RSU1: variants seen among roughly 807,000 people sequenced by gnomAD.
RSU1 encodes the protein Ras suppressor protein 1, also known as rsu-1.
RSU1 carries 26 observed loss-of-function variants against 31.1 expected under a neutral mutation model. The observed-to-expected ratio is 0.84, with a 90% CI of 0.61 to 1.16. The LOEUF (loss-of-function observed/expected upper bound fraction) is 1.16, where lower values mean the gene tolerates loss of function less well. Ranked by LOEUF, RSU1 falls within the 50% of genes most tolerant of loss-of-function variation. The probability of loss-of-function intolerance (pLI) is 0.00; values close to 1 mark genes in which losing one functional copy is unlikely to be tolerated. For synonymous variants in RSU1, 164 were observed against 136.3 expected (o/e 1.20, Z -1.41); for missense variants, 320 against 339.1 (o/e 0.94, Z 0.44).
intron 8 of RSU1, among the ~76,000 whole-genome samples, chr10:16,660,814 T>G (rs1405890852): frequency 6.6e-6 from 1 of 151,784 alleles, no homozygotes; most frequent in East Asian, 1.9e-4. Context: ...GCCCAGCTAA[T>G]TTTTGTATTT....
At position 16,592,939 on chromosome 10, in the gene RSU1, A is replaced by G. The variant is rs562414351; in HGVS notation, c.*455T>C. On this transcript the variant is annotated 3_prime_UTR_variant, in exon 9 of 9. Transcript: ENST00000345264. ...ACAAACTCAAGATTTTATTAAAATC[A>G]TTTGTAAGTTAAATTAGCATATCTC... 49 of 154,114 alleles carry G rather than the reference A, an allele frequency of 3.2e-4. 2 individuals carry two copies. In the South Asian group the frequency reaches 9.5e-3, roughly 30 times the overall value. 9.5% of individuals were successfully genotyped at this position (154,114 alleles called of 1,614,324 possible). A position where few individuals can be genotyped will look rare whatever the true frequency, so the allele number is the denominator to read the frequency against.
chr10:16,714,749 A>G (rs574038360), intron 7 of RSU1, among the ~76,000 whole-genome samples: 3 of 152,064 alleles, frequency 2.0e-5, no homozygotes, highest in Non-Finnish European at 2.9e-5. Flanking sequence ...CCAGGATGAA[A>G]AGAGTCAATT....
chr10:16,613,270 T>C (rs752917608), intron 8 of RSU1, among the ~76,000 whole-genome samples: 32 of 152,058 alleles, frequency 2.1e-4, no homozygotes, highest in Admixed American at 2.0e-4. Flanking sequence ...AGCATGAGAG[T>C]GGAATTTCCA....
chr10:16,657,481 AT>A lies in RSU1; in HGVS notation c.731+37541del, dbSNP rs200952926. Among the ~76,000 whole-genome samples the A allele has an allele frequency of 3.1e-3, 451 of 144,910 alleles. 6 individuals are homozygous for A. The East Asian group carries it at 0.036, about 11-fold the overall frequency. ...AGTTATTCTAGGTTAGACTTTTGGG[AT>A]TTTTTTTTTTCATTTTTAATATTAC... On this transcript the variant is annotated intron_variant, in intron 8 of 8. Coordinates refer to ENST00000345264, the MANE Select transcript of RSU1 (RefSeq NM_012425.4).
chr10:16,620,924 C>A (rs978613165), intron 8 of RSU1, among the ~76,000 whole-genome samples: 7 of 151,646 alleles, frequency 4.6e-5, no homozygotes, highest in African/African-American at 1.5e-4. Context: ...CCATTTTGAA[C>A]AACAATGCAA....
intron 8 of RSU1, among the ~76,000 whole-genome samples, chr10:16,678,382 G>A (rs1049933434): frequency 6.6e-6 from 1 of 152,190 alleles, no homozygotes; most frequent in Non-Finnish European, 1.5e-5. Context: ...AATTGGGATG[G>A]TCCATGCATT....
chr10:16,647,962 T>A (rs113586677), intron 8 of RSU1, among the ~76,000 whole-genome samples: 4 of 152,150 alleles, frequency 2.6e-5, no homozygotes, highest in African/African-American at 9.6e-5. Flanking sequence ...TTCTTGTTTT[T>A]CTTTGAGACA....
chr10:16,766,245 G>A lies in RSU1; in HGVS notation c.161-1735C>T, dbSNP rs181665252. Among the ~76,000 whole-genome samples the A allele has an allele frequency of 4.1e-4, 63 of 152,332 alleles. No homozygotes were observed. The East Asian group carries it at 5.4e-3, about 13-fold the overall frequency. On this transcript the variant is annotated intron_variant, in intron 3 of 8. Transcript: ENST00000345264. ...GTTGATAAAAGAACAAGTTTTCATCGGGTAATCTAGACAGCTCAAAGTTCC... is the reference window on the plus strand; with the variant it reads ...GTTGATAAAAGAACAAGTTTTCATCAGGTAATCTAGACAGCTCAAAGTTCC...
chr10:16,656,015 T>C (rs913080649), intron 8 of RSU1, among the ~76,000 whole-genome samples: 5 of 152,068 alleles, frequency 3.3e-5, no homozygotes, highest in African/African-American at 9.7e-5. Flanking sequence ...AATATATTTC[T>C]CATTATGAAA....
chr10:16,737,688 A>G (rs992485530), intron 7 of RSU1, among the ~76,000 whole-genome samples: 36 of 152,120 alleles, frequency 2.4e-4, no homozygotes, highest in African/African-American at 8.7e-4. Context: ...AATGGTAAAT[A>G]GAGAAGCGGC....
chr10:16,727,281 G>T, intron 7 of RSU1: 1 of 346,986 alleles, frequency 2.9e-6, no homozygotes, highest in Non-Finnish European at 5.9e-6. Flanking sequence ...GGAGGCAAAT[G>T]GACACAAATC....
rs544072851 is a variant in RSU1 at position 16,655,289 on chromosome 10, GACA to G, written c.731+39731_731+39733del. Among the ~76,000 whole-genome samples, 4 of 152,226 alleles carry G rather than the reference GACA, an allele frequency of 2.6e-5. No individual in the cohort carries two copies. In the South Asian group the frequency reaches 8.3e-4, roughly 32 times the overall value. ...AAAGGCAAAACCACTGCTAATATTT[GACA>G]ACAATTAAATAAAGTAAAAGACAAA... On this transcript the variant is annotated intron_variant, in intron 8 of 8. Transcript: ENST00000345264.
At chr10:16,806,283 C>A (rs925115266) in intron 2 of RSU1, among the ~76,000 whole-genome samples, 26 of 152,310 alleles carry the variant, frequency 1.7e-4, no homozygotes, top group Admixed American at 7.8e-4. Context: ...TGGCCACAGG[C>A]ACTCAGCATG....
At chr10:16,757,632 A>G (rs1286450272) in intron 4 of RSU1, among the ~76,000 whole-genome samples, 3 of 152,232 alleles carry the variant, frequency 2.0e-5, no homozygotes, top group South Asian at 2.1e-4. Context: ...TTGAGATGAA[A>G]AAACAGCCTA....
At chr10:16,678,177 A>C (rs926532022) in intron 8 of RSU1, among the ~76,000 whole-genome samples, 1 of 152,112 alleles carries the variant, frequency 6.6e-6, no homozygotes, top group Non-Finnish European at 1.5e-5. Flanking sequence ...AAACAAAACA[A>C]ACCCAACGTA....
chr10:16,763,160 A>C (rs1211209211), intron 4 of RSU1, among the ~76,000 whole-genome samples: 1 of 152,210 alleles, frequency 6.6e-6, no homozygotes, highest in Non-Finnish European at 1.5e-5. Context: ...TTCATCTGAT[A>C]GCTGCGCCAA....
intron 3 of RSU1, among the ~76,000 whole-genome samples, chr10:16,773,654 A>G (rs1588525789): frequency 6.6e-6 from 1 of 152,168 alleles, no homozygotes; most frequent in African/African-American, 2.4e-5. Flanking sequence ...CACGTAATAC[A>G]GAGTGGGGGT....
intron 8 of RSU1, among the ~76,000 whole-genome samples, chr10:16,656,917 T>C (rs2131522105): frequency 6.6e-6 from 1 of 152,360 alleles, no homozygotes; most frequent in South Asian, 2.1e-4. Flanking sequence ...GTTTGGTAGC[T>C]GTCAGTGTTT....
chr10:16,778,018 CT>C (rs10685188), intron 3 of RSU1, among the ~76,000 whole-genome samples: 340 of 117,642 alleles, frequency 2.9e-3, no homozygotes, highest in Middle Eastern at 8.4e-3. Flanking sequence ...GGTCATATAC[CT>C]TTTTTTTTTT....
Sources: gnomAD v4.1 joint callset for allele counts (sites outside exome capture counted in the v4.1 genomes callset) on GRCh38, gnomAD v4.1.1 for gene constraint, MANE v1.5 for transcripts, NCBI Gene and HGNC (gene_info 2026-07-23, HGNC 2026-07-21) for gene names.